Variants in UBE2O observed in about 807,000 individuals in gnomAD.
UBE2O encodes the protein (E3-independent) E2 ubiquitin-conjugating enzyme.
A neutral mutation model predicts 125.8 loss-of-function variants in UBE2O; 15 were observed. That is an observed-to-expected ratio of 0.12 (90% CI 0.08 to 0.18). The LOEUF (loss-of-function observed/expected upper bound fraction) is 0.18. Among genes scored for constraint, UBE2O ranks in the 10% least tolerant of loss-of-function variants. The pLI is 1.00. For synonymous variants in UBE2O, 708 were observed against 703.2 expected (o/e 1.01, Z -0.11); for missense variants, 1,280 against 1,723.6 (o/e 0.74, Z 4.56).
chr17:76,409,346 AAC>A (rs2072478735), intron 1 of UBE2O, among the ~76,000 whole-genome samples: 1 of 152,128 alleles, frequency 6.6e-6, no homozygotes, highest in Non-Finnish European at 1.5e-5. Context: ...CCAAAATGCT[AAC>A]AGTGTCTCTA....
chr17:76,441,680 A>G (rs1170943261), intron 1 of UBE2O, among the ~76,000 whole-genome samples: 2 of 152,388 alleles, frequency 1.3e-5, no homozygotes, highest in South Asian at 2.1e-4. Flanking sequence ...CAATGGAATT[A>G]GGACAATTTG....
intron 1 of UBE2O, among the ~76,000 whole-genome samples, chr17:76,418,158 A>G (rs2072646770): frequency 6.6e-6 from 1 of 152,150 alleles, no homozygotes; most frequent in East Asian, 1.9e-4. Flanking sequence ...GATAATAGAG[A>G]ACAGACACCA....
chr17:76,433,910 C>T (rs67873924), intron 1 of UBE2O, among the ~76,000 whole-genome samples: 4 of 152,152 alleles, frequency 2.6e-5, no homozygotes, highest in Non-Finnish European at 5.9e-5. Flanking sequence ...TGCGCGCCTA[C>T]AGGCCCAGCT....
At chr17:76,422,817 G>A (rs190544024) in intron 1 of UBE2O, among the ~76,000 whole-genome samples, 1 of 152,346 alleles carries the variant, frequency 6.6e-6, no homozygotes, top group Admixed American at 6.5e-5. Flanking sequence ...GCCCCATGGG[G>A]GTTAGAATGT....
At chr17:76,407,618 C>T (rs2072447841) in intron 1 of UBE2O, among the ~76,000 whole-genome samples, 2 of 152,192 alleles carry the variant, frequency 1.3e-5, no homozygotes, top group African/African-American at 4.8e-5. Flanking sequence ...AAATCAGTGC[C>T]GTCACTGATG....
chr17:76,449,076 C>G (rs2073193737), intron 1 of UBE2O, among the ~76,000 whole-genome samples: 1 of 152,248 alleles, frequency 6.6e-6, no homozygotes, highest in Non-Finnish European at 1.5e-5. Context: ...GAAGAACTTA[C>G]TTTGTTTCTG....
rs373770714 is a variant in UBE2O, at chr17:76,399,360, T to C, written c.1628+89A>G. On this transcript the variant is annotated intron_variant, in intron 9 of 17. Transcript: ENST00000319380. The surrounding 1 kb of genome is among the most constrained non-coding windows in gnomAD (Gnocchi z 6.9). Reference sequence around the variant, plus strand: ...ACTACAAGGCATGCAGAGGTGTGTGTGCGAGCGCAGGCACGCACACCGAGG... The same window carrying C: ...ACTACAAGGCATGCAGAGGTGTGTGCGCGAGCGCAGGCACGCACACCGAGG... The C allele has an allele frequency of 3.8e-5, 50 of 1,300,286 alleles. 1 individual carries two copies. Among genetic ancestry groups the C allele is most frequent in the African/African-American group, 3.7e-4 (25 of 68,398 alleles). 80.5% of individuals were successfully genotyped at this position (1,300,286 alleles called of 1,614,324 possible).
At chr17:76,419,709 C>T (rs1029884527) in intron 1 of UBE2O, among the ~76,000 whole-genome samples, 1 of 152,222 alleles carries the variant, frequency 6.6e-6, no homozygotes, top group East Asian at 1.9e-4. Flanking sequence ...AGAGCAGATC[C>T]CGCCAGCACG....
At position 76,405,489 on chromosome 17, in the gene UBE2O, CTGGGG is replaced by C; in HGVS notation, c.477+19_477+23del. 2 of 1,591,286 alleles carry C rather than the reference CTGGGG, an allele frequency of 1.3e-6. No individual in the cohort carries two copies. Among genetic ancestry groups the C allele is most frequent in the African/African-American group, 1.3e-5 (1 of 74,836 alleles). On this transcript the variant is annotated intron_variant, in intron 2 of 17. Coordinates refer to ENST00000319380, the MANE Select transcript of UBE2O (RefSeq NM_022066.4). This position sits in a 1 kb window ranked among gnomAD's most constrained non-coding sequence, Gnocchi z 6.1. ...AAGGTGGCTGCCCCCAGGCCCGGGG[CTGGGG>C]TGGGGACGCAGGACTCACGGTGGAT...
intron 1 of UBE2O, among the ~76,000 whole-genome samples, chr17:76,446,873 AGTCAAAG>A (rs2073160747): frequency 1.3e-5 from 2 of 152,254 alleles, no homozygotes; most frequent in East Asian, 3.8e-4. Flanking sequence ...ATTGAGGGGC[AGTCAAAG>A]GTTCTCTAGA....
At position 76,391,730 on chromosome 17, in the gene UBE2O, G is replaced by A. The variant is rs201483522; in HGVS notation, c.3208+26C>T. Reference sequence around the variant, plus strand: ...TTCCTCCACCGGCCCTCCCTTGTCCGCACCCCCGCTTCAGCCCAACTGTAC... The same window carrying A: ...TTCCTCCACCGGCCCTCCCTTGTCCACACCCCCGCTTCAGCCCAACTGTAC... On this transcript the variant is annotated intron_variant, in intron 17 of 17. Coordinates refer to ENST00000319380, the MANE Select transcript of UBE2O (RefSeq NM_022066.4). The surrounding 1 kb of genome is among the most constrained non-coding windows in gnomAD (Gnocchi z 8.4). The A allele has an allele frequency of 4.0e-5, 65 of 1,613,350 alleles. No homozygotes were observed. Among genetic ancestry groups the A allele is most frequent in the Admixed American group, 2.7e-4 (16 of 59,940 alleles).
At position 76,402,012 on chromosome 17, in the gene UBE2O, C is replaced by T; in HGVS notation, c.750+52G>A. 1 of 1,576,654 alleles carries T rather than the reference C, an allele frequency of 6.3e-7. No homozygotes were observed. The highest frequency in any genetic ancestry group is 8.7e-7 in the Non-Finnish European group (1 of 1,152,916). Reference sequence around the variant, plus strand: ...AGGTCTTTGCTACGAAGTCCTCCTTCCAGAGGACTGAGCAATCAGAGAAGG... The same window carrying T: ...AGGTCTTTGCTACGAAGTCCTCCTTTCAGAGGACTGAGCAATCAGAGAAGG... On this transcript the variant is annotated intron_variant, in intron 5 of 17. Transcript: ENST00000319380. The surrounding 1 kb of genome is among the most constrained non-coding windows in gnomAD (Gnocchi z 5.4).
At position 76,395,664 on chromosome 17, in the gene UBE2O, C is replaced by T; in HGVS notation, c.2946+61G>A. The T allele has an allele frequency of 1.3e-6, 2 of 1,551,122 alleles. No individual in the cohort carries two copies. Among genetic ancestry groups the T allele is most frequent in the Admixed American group, 4.2e-5 (2 of 47,904 alleles). On this transcript the variant is annotated intron_variant, in intron 15 of 17. Transcript: ENST00000319380. The surrounding 1 kb of genome is among the most constrained non-coding windows in gnomAD (Gnocchi z 5.0). ...AGGTTTGGGGACCCAAGGTTGGTGG[C>T]CTCTTGGGCACTGGGTGCCCACACA...
intron 1 of UBE2O, among the ~76,000 whole-genome samples, chr17:76,417,831 G>A (rs1004895100): frequency 1.3e-5 from 2 of 152,214 alleles, no homozygotes; most frequent in East Asian, 1.9e-4. Context: ...GCGAAGAGAC[G>A]TCTGGGTGAA....
At position 76,390,816 on chromosome 17, in the gene UBE2O, G is replaced by T; in HGVS notation, c.*127C>A. Reference sequence around the variant, plus strand: ...GCACTTCAGCATCAAACTCACCTTGGGGAGAAGAGGGCAGTGGGTTTGCAG... The same window carrying T: ...GCACTTCAGCATCAAACTCACCTTGTGGAGAAGAGGGCAGTGGGTTTGCAG... On this transcript the variant is annotated 3_prime_UTR_variant, in exon 18 of 18. Coordinates refer to ENST00000319380, the MANE Select transcript of UBE2O (RefSeq NM_022066.4). The T allele has an allele frequency of 1.1e-6, 1 of 927,382 alleles. No individual in the cohort carries two copies. The highest frequency in any genetic ancestry group is 1.6e-6 in the Non-Finnish European group (1 of 625,262). 57.4% of individuals were successfully genotyped at this position (927,382 alleles called of 1,614,324 possible).
intron 1 of UBE2O, among the ~76,000 whole-genome samples, chr17:76,440,430 C>T (rs1256620939): frequency 6.6e-6 from 1 of 152,182 alleles, no homozygotes; most frequent in Non-Finnish European, 1.5e-5. Context: ...AGGACTCAAG[C>T]GATCCTCTCA....
At position 76,452,814 on chromosome 17, in the gene UBE2O, C is replaced by T. The variant is rs752536750; in HGVS notation, c.328G>A (p.Glu110Lys). The T allele has an allele frequency of 6.6e-7, 1 of 1,510,746 alleles. No individual in the cohort carries two copies. Among genetic ancestry groups the T allele is most frequent in the Admixed American group, 2.2e-5 (1 of 46,066 alleles). 93.6% of individuals were successfully genotyped at this position (1,510,746 alleles called of 1,614,324 possible). ...CGCAGGGGGCTGGCCCGGCCCTCCT[C>T]GTGGCCCGCGCCCCCGGCCTCGGAG... is the stretch of plus-strand genomic sequence containing the variant. ...GCSEAGGAGHEEGRASPLRRG... is the reference protein window; with the variant it reads ...GCSEAGGAGHKEGRASPLRRG... The change falls in exon 1 of 18, where the codon GAG becomes AAG. Residue 110 changes from glutamate to lysine, a missense_variant. This residue lies in a region of UBE2O where 188 missense variants were observed against 192.5 expected (regional missense o/e 0.98). Coordinates refer to ENST00000319380, the MANE Select transcript of UBE2O (RefSeq NM_022066.4). This position sits in a 1 kb window ranked among gnomAD's most constrained non-coding sequence, Gnocchi z 4.4.
At position 76,396,940 on chromosome 17, in the gene UBE2O, T is replaced by C. The variant is rs560972710; in HGVS notation, c.2116-119A>G. On this transcript the variant is annotated intron_variant, in intron 13 of 17. Coordinates refer to ENST00000319380, the MANE Select transcript of UBE2O (RefSeq NM_022066.4). This position sits in a 1 kb window ranked among gnomAD's most constrained non-coding sequence, Gnocchi z 6.7. Reference sequence around the variant, plus strand: ...GATGGCGACTGGGCTCATGAGGCCTTGGCAACCTCATTCCACCCTTTCCCT... The same window carrying C: ...GATGGCGACTGGGCTCATGAGGCCTCGGCAACCTCATTCCACCCTTTCCCT... 26 of 846,610 alleles carry C rather than the reference T, an allele frequency of 3.1e-5. No individual in the cohort carries two copies. The Admixed American group carries it at 6.9e-4, about 22-fold the overall frequency. 52.4% of individuals were successfully genotyped at this position (846,610 alleles called of 1,614,324 possible). A position where few individuals can be genotyped will look rare whatever the true frequency, so the allele number is the denominator to read the frequency against.
intron 13 of UBE2O, among the ~76,000 whole-genome samples, chr17:76,397,324 G>A (rs2072230411): frequency 6.6e-6 from 1 of 152,234 alleles, no homozygotes; most frequent in South Asian, 2.1e-4. Context: ...TGTGGACCAG[G>A]AGAGGAGAGC....
Sources: allele counts gnomAD v4.1 joint callset (sites outside exome capture counted in the v4.1 genomes callset), GRCh38; gene constraint gnomAD v4.1.1; regional missense constraint gnomAD v4.1.1; non-coding constraint Gnocchi (gnomAD v3.1); transcripts MANE v1.5; gene names NCBI Gene and HGNC (gene_info 2026-07-23, HGNC 2026-07-21).